Variants in ANKS1B observed in about 807,000 individuals in gnomAD.
The protein encoded by ANKS1B is ankyrin repeat and sterile alpha motif domain-containing protein 1B.
ANKS1B carries 36 observed loss-of-function variants against 148.3 expected under a neutral mutation model. The observed-to-expected ratio is 0.24, with a 90% CI of 0.19 to 0.32. The LOEUF is 0.32. ANKS1B is among the 10% of genes least tolerant of loss of function. The pLI, the probability that ANKS1B is intolerant of heterozygous loss-of-function variation, is 1.00. For missense variants in ANKS1B, 1,157 were observed against 1,542.6 expected (o/e 0.75, Z 4.19); for synonymous variants, 542 against 560.8 (o/e 0.97, Z 0.47).
At chr12:99,532,651 C>G (rs1256145208) in intron 9 of ANKS1B, among the ~76,000 whole-genome samples, 1 of 152,108 alleles carries the variant, frequency 6.6e-6, no homozygotes, top group African/African-American at 2.4e-5. Context: ...TGAGCCACCA[C>G]GCCTGGTCAC....
chr12:99,452,296 G>C (rs1267990780), intron 10 of ANKS1B, among the ~76,000 whole-genome samples: 1 of 151,928 alleles, frequency 6.6e-6, no homozygotes, highest in Non-Finnish European at 1.5e-5. Flanking sequence ...TACTTCCTAT[G>C]GAAATGTTTT....
At chr12:99,399,253 T>C (rs2094337171) in intron 12 of ANKS1B, among the ~76,000 whole-genome samples, 1 of 151,830 alleles carries the variant, frequency 6.6e-6, no homozygotes, top group African/African-American at 2.4e-5. Flanking sequence ...CATTGTACAA[T>C]TCCTTCTTAC....
Position 99,123,551 on chromosome 12 carries a change from A to AG in ANKS1B, c.2526+30737dup, listed in dbSNP as rs562787873. On this transcript the variant is annotated intron_variant, in intron 15 of 26. Transcript: ENST00000683438. ...CCCACAATAGGCCACCTGCAAGCTG[A>AG]GGAGCCAGGAAACCAGTCCAAGTCC... is the stretch of plus-strand genomic sequence containing the variant. Among the ~76,000 whole-genome samples, 286 of 152,342 alleles carry AG rather than the reference A, an allele frequency of 1.9e-3. 3 individuals are homozygous for AG. The highest frequency in any genetic ancestry group is 3.4e-3 in the Middle Eastern group (1 of 294).
At chr12:99,816,774 T>C (rs1028455213) in intron 2 of ANKS1B, among the ~76,000 whole-genome samples, 1 of 151,680 alleles carries the variant, frequency 6.6e-6, no homozygotes, top group Non-Finnish European at 1.5e-5. Context: ...TCCATATATA[T>C]CCAAAGTAAT....
chr12:99,919,791 A>AAAAAAAC lies in ANKS1B; in HGVS notation c.134+64312_134+64313insGTTTTTT, dbSNP rs752118693. On this transcript the variant is annotated intron_variant, in intron 1 of 26. Transcript: ENST00000683438. Reference sequence around the variant, plus strand: ...TGTGCTGCAGAGTTAAAAAAAAAAAAAAACCTGGATTTCAAAAACTTGGCA... The same window carrying AAAAAAAC: ...TGTGCTGCAGAGTTAAAAAAAAAAAAAAAAAACAAACCTGGATTTCAAAAACTTGGCA... 6.2e-3 allele frequency among the ~76,000 whole-genome samples: 943 copies of AAAAAAAC among 151,908 alleles called. 11 individuals carry two copies. The highest frequency in any genetic ancestry group is 0.012 in the Non-Finnish European group (794 of 67,954).
chr12:99,625,410 G>A (rs2153383581), intron 9 of ANKS1B, among the ~76,000 whole-genome samples: 1 of 152,112 alleles, frequency 6.6e-6, no homozygotes, highest in South Asian at 2.1e-4. Flanking sequence ...TAAAAAAACT[G>A]TACATAGCAC....
At chr12:98,791,143 G>C (rs1251010837) in intron 22 of ANKS1B, among the ~76,000 whole-genome samples, 1 of 152,058 alleles carries the variant, frequency 6.6e-6, no homozygotes. Context: ...TCAGGAGTTC[G>C]AGACCAGCCT....
intron 12 of ANKS1B, among the ~76,000 whole-genome samples, chr12:99,327,400 T>TA (rs1566901553): frequency 8.1e-6 from 1 of 123,306 alleles, no homozygotes; most frequent in East Asian, 2.6e-4. Flanking sequence ...TATAATTACA[T>TA]ATTATATATA....
chr12:99,072,073 T>C (rs138059733), intron 16 of ANKS1B, among the ~76,000 whole-genome samples: 9 of 152,272 alleles, frequency 5.9e-5, no homozygotes, highest in Admixed American at 2.0e-4. Flanking sequence ...ACAATCAAAT[T>C]GGAAAGTTTT....
intron 8 of ANKS1B, among the ~76,000 whole-genome samples, chr12:99,766,983 T>C (rs2062710620): frequency 1.3e-5 from 2 of 152,138 alleles, no homozygotes; most frequent in Admixed American, 1.3e-4. Flanking sequence ...TTAGGCAATC[T>C]AATCTGACTC....
chr12:99,919,789 A>AAAAAAAC lies in ANKS1B; in HGVS notation c.134+64314_134+64315insGTTTTTT, dbSNP rs750617743. ...AATGTGCTGCAGAGTTAAAAAAAAA[A>AAAAAAAC]AAAAACCTGGATTTCAAAAACTTGG... On this transcript the variant is annotated intron_variant, in intron 1 of 26. Transcript: ENST00000683438. Among the ~76,000 whole-genome samples, 16 of 152,028 alleles carry AAAAAAAC rather than the reference A, an allele frequency of 1.1e-4. No homozygotes were observed. The South Asian group carries it at 2.3e-3, about 22-fold the overall frequency.
intron 14 of ANKS1B, among the ~76,000 whole-genome samples, chr12:99,172,253 ACAAT>A (rs1278266502): frequency 6.6e-6 from 1 of 152,162 alleles, no homozygotes; most frequent in African/African-American, 2.4e-5. Context: ...TAGGAAACAG[ACAAT>A]CAAGGGACTT....
intron 9 of ANKS1B, among the ~76,000 whole-genome samples, chr12:99,521,841 C>T (rs560830614): frequency 3.9e-5 from 6 of 152,322 alleles, no homozygotes; most frequent in African/African-American, 1.4e-4. Context: ...GAAGCCAGCA[C>T]AGCACTGGGT....
rs1393476079 is a variant in ANKS1B at position 99,792,981 on chromosome 12, A to T, written c.670-10884T>A. 2.0e-5 allele frequency among the ~76,000 whole-genome samples: 3 copies of T among 152,054 alleles called. No individual in the cohort carries two copies. The East Asian group carries it at 5.8e-4, about 29-fold the overall frequency. On this transcript the variant is annotated intron_variant, in intron 4 of 26. Transcript: ENST00000683438. ...CCACTGAAAAACTATTAGAACTGAT[A>T]AACAAATGTAGCAACGTTGCAGGAT...
At chr12:99,164,652 C>T (rs1263119483) in intron 14 of ANKS1B, among the ~76,000 whole-genome samples, 3 of 152,090 alleles carry the variant, frequency 2.0e-5, no homozygotes, top group South Asian at 4.1e-4. Context: ...TAAAATTAGA[C>T]CCTCAGAATG....
intron 8 of ANKS1B, among the ~76,000 whole-genome samples, chr12:99,672,355 C>A (rs942818509): frequency 1.9e-4 from 29 of 152,234 alleles, no homozygotes; most frequent in Non-Finnish European, 3.7e-4. Flanking sequence ...TTTTTCTACT[C>A]TTCATCTATG....
chr12:98,921,124 T>C (rs565766809), intron 17 of ANKS1B, among the ~76,000 whole-genome samples: 2 of 152,306 alleles, frequency 1.3e-5, no homozygotes, highest in African/African-American at 4.8e-5. Context: ...TCTTCTTTCA[T>C]TTTTAAATTC....
At chr12:99,876,492 G>A (rs1009435662) in intron 1 of ANKS1B, among the ~76,000 whole-genome samples, 19 of 152,134 alleles carry the variant, frequency 1.2e-4, no homozygotes, top group African/African-American at 4.6e-4. Context: ...GGAGGCCGAG[G>A]CAGGCGTATC....
intron 9 of ANKS1B, among the ~76,000 whole-genome samples, chr12:99,630,140 GA>G (rs1335017108): frequency 6.6e-6 from 1 of 151,970 alleles, no homozygotes; most frequent in Non-Finnish European, 1.5e-5. Flanking sequence ...AAATAGCAGA[GA>G]AAAATATAGA....
Sources: allele counts gnomAD v4.1 joint callset (sites outside exome capture counted in the v4.1 genomes callset), GRCh38; gene constraint gnomAD v4.1.1; transcripts MANE v1.5; gene names NCBI Gene and HGNC (gene_info 2026-07-23, HGNC 2026-07-21).